KDM4C: variants seen among roughly 807,000 people sequenced by gnomAD.
The protein encoded by KDM4C is lysine demethylase 4C.
KDM4C carries 81 observed loss-of-function variants against 129.3 expected under a neutral mutation model. That is an observed-to-expected ratio of 0.63 (90% CI 0.52 to 0.75). The LOEUF is 0.75. Ranked by LOEUF, KDM4C falls within the 30% of genes least tolerant of loss-of-function variation. KDM4C has a pLI of 0.00. For synonymous variants in KDM4C, 573 were observed against 456.1 expected, an observed-to-expected ratio of 1.26 and a Z score of -3.26; for missense variants, 1,457 against 1,304.0, an observed-to-expected ratio of 1.12 and a Z score of -1.81.
At chr9:7,170,577 A>G (rs1844857089) in intron 21 of KDM4C, 2 of 951,214 alleles carry the variant, frequency 2.1e-6, no homozygotes, top group Admixed American at 6.2e-5. Flanking sequence ...TTATTGTATC[A>G]TAAAATATTC....
intron 15 of KDM4C, among the ~76,000 whole-genome samples, chr9:7,043,177 C>T (rs893423746): frequency 6.6e-6 from 1 of 151,960 alleles, no homozygotes; most frequent in Non-Finnish European, 1.5e-5. Context: ...AAATTTTTGG[C>T]ATGGTACGTG....
chr9:6,812,666 G>T (rs1381225373), intron 3 of KDM4C, among the ~76,000 whole-genome samples: 3 of 152,152 alleles, frequency 2.0e-5, no homozygotes, highest in Admixed American at 6.5e-5. Flanking sequence ...GACCTCCTAT[G>T]CATCCCTGTT....
At chr9:7,112,459 G>A (rs2133225963) in intron 18 of KDM4C, among the ~76,000 whole-genome samples, 1 of 152,256 alleles carries the variant, frequency 6.6e-6, no homozygotes, top group South Asian at 2.1e-4. Context: ...ATGAGGAGAA[G>A]GGTCTTGATT....
intron 17 of KDM4C, among the ~76,000 whole-genome samples, chr9:7,091,191 CTT>C (rs982435731): frequency 1.3e-5 from 2 of 152,084 alleles, no homozygotes; most frequent in African/African-American, 4.8e-5. Flanking sequence ...TCAATGGAAA[CTT>C]TCTTTTGTCA....
intron 9 of KDM4C, among the ~76,000 whole-genome samples, chr9:6,981,435 A>C (rs1224648693): frequency 6.6e-6 from 1 of 152,126 alleles, no homozygotes; most frequent in Non-Finnish European, 1.5e-5. Flanking sequence ...CCATATTTTA[A>C]TCAATAACTT....
intron 5 of KDM4C, among the ~76,000 whole-genome samples, chr9:6,875,115 T>C (rs1188681902): frequency 2.0e-5 from 3 of 152,164 alleles, no homozygotes; most frequent in Admixed American, 6.5e-5. Context: ...TTCGTGATTT[T>C]TTCATCTTCC....
intron 3 of KDM4C, among the ~76,000 whole-genome samples, chr9:6,808,647 C>A (rs1830577621): frequency 6.9e-6 from 1 of 145,710 alleles, no homozygotes; most frequent in African/African-American, 2.6e-5. Flanking sequence ...GTCCCATGAC[C>A]CTGCCAAATC....
intron 8 of KDM4C, among the ~76,000 whole-genome samples, chr9:6,930,022 T>C (rs1251466886): frequency 1.3e-5 from 2 of 152,340 alleles, no homozygotes; most frequent in South Asian, 2.1e-4. Context: ...ATTTTAACTC[T>C]TACTGGTGTA....
At chr9:7,166,285 T>G (rs1844372820) in intron 20 of KDM4C, among the ~76,000 whole-genome samples, 1 of 152,190 alleles carries the variant, frequency 6.6e-6, no homozygotes, top group African/African-American at 2.4e-5. Context: ...AGCAAGAGCT[T>G]AAATGGAAGA....
chr9:6,978,581 C>G (rs1833320792), intron 8 of KDM4C: 1 of 151,370 alleles, frequency 6.6e-6, no homozygotes, highest in Non-Finnish European at 1.5e-5. Context: ...GTGGCTTGTC[C>G]TTGGAGTCAT....
At chr9:6,806,583 G>A (rs1229987624) in intron 3 of KDM4C, among the ~76,000 whole-genome samples, 1 of 151,944 alleles carries the variant, frequency 6.6e-6, no homozygotes, top group African/African-American at 2.4e-5. Context: ...CTGAAGGTCA[G>A]GAATCTGACC....
At chr9:6,885,735 A>G (rs767677293) in intron 6 of KDM4C, among the ~76,000 whole-genome samples, 5 of 152,112 alleles carry the variant, frequency 3.3e-5, no homozygotes, top group Non-Finnish European at 7.3e-5. Context: ...TTGAGGTAAA[A>G]TTCATTTTAA....
At chr9:6,803,625 A>G (rs964140076) in intron 2 of KDM4C, among the ~76,000 whole-genome samples, 2 of 151,794 alleles carry the variant, frequency 1.3e-5, no homozygotes, top group African/African-American at 4.8e-5. Context: ...TAAAGGTGGT[A>G]AAGTGGCCAG....
chr9:6,808,567 AG>A (rs1179081351), intron 3 of KDM4C, among the ~76,000 whole-genome samples: 1 of 148,804 alleles, frequency 6.7e-6, no homozygotes, highest in African/African-American at 2.5e-5. Flanking sequence ...GGAAGGCCTC[AG>A]GGTCCTCTGC....
intron 18 of KDM4C, among the ~76,000 whole-genome samples, chr9:7,108,118 G>A (rs1051225081): frequency 6.6e-5 from 10 of 152,252 alleles, no homozygotes; most frequent in Admixed American, 2.0e-4. Context: ...GGCAGCTCCC[G>A]TTCTAGAAAC....
At chr9:6,853,907 A>T (rs1459881006) in intron 5 of KDM4C, among the ~76,000 whole-genome samples, 2 of 152,224 alleles carry the variant, frequency 1.3e-5, no homozygotes, top group Non-Finnish European at 2.9e-5. Context: ...GGCATGATTT[A>T]TTCTCTGTCT....
At chr9:6,898,586 TA>T (rs1439410764) in intron 8 of KDM4C, among the ~76,000 whole-genome samples, 2 of 152,192 alleles carry the variant, frequency 1.3e-5, no homozygotes, top group African/African-American at 4.8e-5. Flanking sequence ...TATCTAATTT[TA>T]AGACATTTTG....
chr9:6,723,630 C>CAAAA lies in KDM4C; in HGVS notation c.49+2650_49+2653dup, dbSNP rs4008336. ...TGGGCAACAGAGCGAGACTCCATCT[C>CAAAA]AAAAAAAAAAAAAAAAAAAATTGGG... On this transcript the variant is annotated intron_variant, in intron 1 of 17. Coordinates refer to the KDM4C transcript ENST00000536108. 69 of 112,102 alleles carry CAAAA rather than the reference C, an allele frequency of 6.2e-4. 1 individual carries two copies. Among genetic ancestry groups the CAAAA allele is most frequent in the South Asian group, 6.0e-4 (2 of 3,334 alleles). The allele number at this position is 112,102 out of a possible 1,614,324, so 6.9% of individuals were successfully genotyped here.
In KDM4C at chr9:6,814,987, T is replaced by C. The variant is rs142775983; in HGVS notation, c.435+242T>C. ...ACATGGTATGTGGTTATCTGGCTGATCTTTTCATTACATTAAAACTTTTTA... is the reference window on the plus strand; with the variant it reads ...ACATGGTATGTGGTTATCTGGCTGACCTTTTCATTACATTAAAACTTTTTA... On this transcript the variant is annotated intron_variant, in intron 4 of 21. Transcript: ENST00000381309. The C allele has an allele frequency of 2.0e-3, 663 of 332,278 alleles. 5 individuals carry two copies. The highest frequency in any genetic ancestry group is 0.013 in the African/African-American group (623 of 47,270). 20.6% of individuals were successfully genotyped at this position (332,278 alleles called of 1,614,324 possible).
Sources: gnomAD v4.1 joint callset for allele counts (sites outside exome capture counted in the v4.1 genomes callset) on GRCh38, gnomAD v4.1.1 for gene constraint, MANE v1.5 for transcripts, NCBI Gene and HGNC (gene_info 2026-07-23, HGNC 2026-07-21) for gene names.